Variants in HMCN2 observed in about 807,000 individuals in gnomAD.
The protein encoded by HMCN2 is hemicentin 2, also known as hemicentin-2.
Under a neutral mutation model 377.5 loss-of-function variants are expected in HMCN2, and 325 were observed. The observed-to-expected ratio is 0.86, with a 90% confidence interval of 0.79 to 0.94. The LOEUF (loss-of-function observed/expected upper bound fraction) is 0.94. Among genes scored for constraint, HMCN2 ranks in the 40% least tolerant of loss-of-function variants. The probability of loss-of-function intolerance (pLI) is 0.00; values close to 1 mark genes in which losing one functional copy is unlikely to be tolerated. For missense variants in HMCN2, 4,543 were observed against 4,725.3 expected, an observed-to-expected ratio of 0.96 and a Z score of 1.13; for synonymous variants, 2,007 against 2,046.8, an observed-to-expected ratio of 0.98 and a Z score of 0.53.
At chr9:130,324,978 A>G (rs1838048950) in intron 19 of HMCN2, among the ~76,000 whole-genome samples, 1 of 122,646 alleles carries the variant, frequency 8.2e-6, no homozygotes, top group Admixed American at 8.4e-5. Context: ...TCACTGCAAT[A>G]TCACCTGGAG....
rs936978001 is a variant in HMCN2, at chr9:130,368,447, C to G, written c.6787+10C>G. 2.0e-6 allele frequency: 2 copies of G among 985,924 alleles called. No homozygotes were observed. The highest frequency in any genetic ancestry group is 2.4e-6 in the Non-Finnish European group (2 of 830,168). The allele number at this position is 985,924 out of a possible 1,614,324, so 61.1% of individuals were successfully genotyped here. On this transcript the variant is annotated intron_variant, in intron 44 of 97. Coordinates refer to ENST00000683500, the MANE Select transcript of HMCN2 (RefSeq NM_001291815.2). ...CAGCTGGAGGTGCACGGTGGGTGAG[C>G]TGGGCGGGGGCTGGAAGGGTCTGGG... is the stretch of plus-strand genomic sequence containing the variant.
chr9:130,425,655 CT>C (rs1564883944), intron 89 of HMCN2, 31 bp from the exon 90 acceptor site: 14 of 1,341,618 alleles, frequency 1.0e-5, no homozygotes, highest in Admixed American at 2.0e-5. Flanking sequence ...TCCCCCACCC[CT>C]CCTCCTCCTC....
chr9:130,426,886 A>G (rs1844408548), intron 90 of HMCN2, among the ~76,000 whole-genome samples: 1 of 151,546 alleles, frequency 6.6e-6, no homozygotes. Context: ...CCTGATTTAG[A>G]CTGCCTTGTG....
chr9:130,375,726 G>A lies in HMCN2; in HGVS notation c.7794G>A (p.Gln2598=), dbSNP rs1841340920. The A allele has an allele frequency of 3.0e-6, 3 of 985,776 alleles. No individual in the cohort carries two copies. Among genetic ancestry groups the A allele is most frequent in the Admixed American group, 1.2e-4 (2 of 16,262 alleles). 61.1% of individuals were successfully genotyped at this position (985,776 alleles called of 1,614,324 possible). A position where few individuals can be genotyped will look rare whatever the true frequency, so the allele number is the denominator to read the frequency against. Residue 2598 remains glutamine (Q), a synonymous_variant, in exon 50 of 98, where the codon CAG becomes CAA. Transcript: ENST00000683500. ...CGTTTGAGGCCTCCAGGAACATCCA[G>A]CTGCTCCCAGGTGACGCCCTCTGGG... ...GAPFEASRNI[Q]LLPGTHGLQI...
Position 130,392,052 on chromosome 9 carries a change from T to C in HMCN2, c.10070T>C (p.Leu3357Pro). 2.0e-6 allele frequency: 2 copies of C among 988,506 alleles called. No individual in the cohort carries two copies. The highest frequency in any genetic ancestry group is 4.7e-5 in the South Asian group (1 of 21,386). The allele number at this position is 988,506 out of a possible 1,614,324, so 61.2% of individuals were successfully genotyped here. ...TCCCCGCCCATCCACGTGAGCTGGC[T>C]CAAGGACGGCCTGCCCCTCCCGCTC... is the stretch of plus-strand genomic sequence containing the variant. ...RGSPPIHVSW[L>P]KDGLPLPLSQ... Residue 3357 changes from leucine to proline, a missense_variant, in exon 66 of 98, where the codon CTC becomes CCC. Leu to Pro is a moderately conservative substitution (Grantham distance 98). Transcript: ENST00000683500.
intron 87 of HMCN2, among the ~76,000 whole-genome samples, chr9:130,424,170 T>TATA (rs904483752): frequency 4.6e-5 from 4 of 86,562 alleles, no homozygotes; most frequent in African/African-American, 2.9e-4. Flanking sequence ...TATATATATA[T>TATA]TTTTTTTTTT....
rs12336285 is a variant in HMCN2, at chr9:130,265,917, G to A, written c.39G>A (p.Ala13=). 0.42 allele frequency: 166,033 copies of A among 396,794 alleles called. 37,434 individuals carry two copies. Among genetic ancestry groups the A allele is most frequent in the East Asian group, 0.9 (10,630 of 11,828 alleles). The allele number at this position is 396,794 out of a possible 1,614,324, so 24.6% of individuals were successfully genotyped here. Residue 13 remains alanine, a synonymous_variant, in exon 1 of 98, where the codon GCG becomes GCA. Transcript: ENST00000683500. ...PGAPLLRLLT[A]VSAAVAVAVA... is the part of the protein sequence containing the mutation. ...CGCCGCTCCTGCGGCTGCTGACCGC[G>A]GTCTCTGCGGCAGTGGCAGTGGCAG... is the stretch of plus-strand genomic sequence containing the variant.
At chr9:130,409,267 T>G (rs1427517223) in intron 84 of HMCN2, among the ~76,000 whole-genome samples, 5 of 152,182 alleles carry the variant, frequency 3.3e-5, no homozygotes, top group Admixed American at 6.5e-5. Context: ...CCTCAGGGGG[T>G]AGGGTAGGCA....
chr9:130,344,877 T>C lies in HMCN2; in HGVS notation c.3830-2289T>C, dbSNP rs997294687. ...GTATATATGTTGTGTGTGTGGTGTG[T>C]GTATGGTGTTTGGTGTATGTGGTGT... On this transcript the variant is annotated intron_variant, in intron 25 of 97. Transcript: ENST00000683500. Among the ~76,000 whole-genome samples, 59 of 148,948 alleles carry C rather than the reference T, an allele frequency of 4.0e-4. 2 individuals carry two copies. The highest frequency in any genetic ancestry group is 2.9e-3 in the Admixed American group (43 of 14,820).
chr9:130,362,062 C>A lies in HMCN2; in HGVS notation c.6005C>A (p.Thr2002Asn), dbSNP rs1315525155. The change falls in exon 39 of 98, where the codon ACC becomes AAC. Residue 2002 changes from threonine (T) to asparagine (N), a missense_variant. This residue lies in a region of HMCN2 where 1,032 missense variants were observed against 1,285.1 expected (regional missense o/e 0.80). Transcript: ENST00000683500. Reference protein sequence around the residue: ...PSLPGPVLVNTPVRLTCNATG... With the variant: ...PSLPGPVLVNNPVRLTCNATG... Reference sequence around the variant, plus strand: ...CTGCCAGGCCCTGTGTTGGTCAACACCCCTGTCCGGCTGACCTGCAATGCC... The same window carrying A: ...CTGCCAGGCCCTGTGTTGGTCAACAACCCTGTCCGGCTGACCTGCAATGCC... The A allele has an allele frequency of 1.7e-5, 17 of 986,062 alleles. No homozygotes were observed. Among genetic ancestry groups the A allele is most frequent in the African/African-American group, 3.5e-5 (2 of 57,266 alleles). 61.1% of individuals were successfully genotyped at this position (986,062 alleles called of 1,614,324 possible).
rs1554931441 is a variant in HMCN2, at chr9:130,294,939, T to G, written c.697T>G (p.Trp233Gly). Residue 233 changes from tryptophan (W) to glycine (G), a missense_variant, in exon 5 of 98, where the codon TGG becomes GGG. By Grantham distance (184) the Trp-to-Gly change is radical. This residue lies in a region of HMCN2 where 547 missense variants were observed against 189.9 expected (regional missense o/e 2.88). Transcript: ENST00000683500. Reference protein sequence around the residue: ...TDHEEEGEHTWRLPFDPSLKE... With the variant: ...TDHEEEGEHTGRLPFDPSLKE... ...CCACGAGGAGGAGGGGGAGCACACATGGAGACTCCCCTTTGACCCCAGCCT... is the reference window on the plus strand; with the variant it reads ...CCACGAGGAGGAGGGGGAGCACACAGGGAGACTCCCCTTTGACCCCAGCCT... 4.2e-6 allele frequency: 2 copies of G among 470,722 alleles called. No homozygotes were observed. The highest frequency in any genetic ancestry group is 2.0e-5 in the African/African-American group (1 of 50,008). 29.2% of individuals were successfully genotyped at this position (470,722 alleles called of 1,614,324 possible). A position where few individuals can be genotyped will look rare whatever the true frequency, so the allele number is the denominator to read the frequency against.
chr9:130,371,919 T>C (rs1841043529), intron 46 of HMCN2, among the ~76,000 whole-genome samples: 1 of 152,166 alleles, frequency 6.6e-6, no homozygotes, highest in African/African-American at 2.4e-5. Context: ...CCCTGAGAGA[T>C]CCTTGGGAGG....
At chr9:130,348,268 A>G (rs981217501) in intron 26 of HMCN2, among the ~76,000 whole-genome samples, 16 of 152,242 alleles carry the variant, frequency 1.1e-4, no homozygotes. Flanking sequence ...TTGGGTGTAG[A>G]ACCAGATGGA....
At position 130,365,778 on chromosome 9, in the gene HMCN2, G is replaced by A. The variant is rs776967755; in HGVS notation, c.6505+51G>A. 69 of 978,288 alleles carry A rather than the reference G, an allele frequency of 7.1e-5. No homozygotes were observed. In the South Asian group the frequency reaches 1.0e-3, roughly 15 times the overall value. 60.6% of individuals were successfully genotyped at this position (978,288 alleles called of 1,614,324 possible). A position where few individuals can be genotyped will look rare whatever the true frequency, so the allele number is the denominator to read the frequency against. Reference sequence around the variant, plus strand: ...GGGAGGGGGCTGCTGCCTTGATTGCGTCCCAGGACACAGCCCTCCTCCAGC... The same window carrying A: ...GGGAGGGGGCTGCTGCCTTGATTGCATCCCAGGACACAGCCCTCCTCCAGC... On this transcript the variant is annotated intron_variant, in intron 42 of 97. Coordinates refer to ENST00000683500, the MANE Select transcript of HMCN2 (RefSeq NM_001291815.2).
chr9:130,418,252 T>C (rs1843799455), intron 85 of HMCN2, among the ~76,000 whole-genome samples: 1 of 152,150 alleles, frequency 6.6e-6, no homozygotes, highest in African/African-American at 2.4e-5. Flanking sequence ...AGTTACGATC[T>C]ATTGCAGAGG....
At chr9:130,368,787 G>A (rs1249628322) in intron 44 of HMCN2, among the ~76,000 whole-genome samples, 1 of 152,050 alleles carries the variant, frequency 6.6e-6, no homozygotes. Context: ...CAAACAACCA[G>A]ATCTCCTGAG....
intron 85 of HMCN2, among the ~76,000 whole-genome samples, chr9:130,417,455 G>C (rs1222872519): frequency 6.9e-6 from 1 of 145,584 alleles, no homozygotes; most frequent in Non-Finnish European, 1.5e-5. Context: ...CCGGGAGGCA[G>C]AGGTTGCAGT....
intron 25 of HMCN2, among the ~76,000 whole-genome samples, chr9:130,346,668 G>A (rs1839408857): frequency 1.3e-5 from 2 of 152,122 alleles, no homozygotes; most frequent in South Asian, 4.1e-4. Context: ...TGCCTACTGT[G>A]TGCCGGGCAC....
At position 130,390,990 on chromosome 9, in the gene HMCN2, G is replaced by C; in HGVS notation, c.9537G>C (p.Val3179=). Residue 3179 remains valine (V), a synonymous_variant, in exon 63 of 98, where the codon GTG becomes GTC. Transcript: ENST00000683500. ...KDRMPVESSA[V]HGVVSRGGRL... ...TCTGTCCCACAGAGAGCAGCGCGGT[G>C]CACGGTGTGGTCTCCCGGGGGGGCC... The C allele has an allele frequency of 4.1e-6, 4 of 987,224 alleles. No homozygotes were observed. The highest frequency in any genetic ancestry group is 3.2e-4 in the Middle Eastern group (1 of 3,128). 61.2% of individuals were successfully genotyped at this position (987,224 alleles called of 1,614,324 possible).
Sources: allele counts gnomAD v4.1 joint callset (sites outside exome capture counted in the v4.1 genomes callset), GRCh38; gene constraint gnomAD v4.1.1; regional missense constraint gnomAD v4.1.1; transcripts MANE v1.5; gene names NCBI Gene and HGNC (gene_info 2026-07-23, HGNC 2026-07-21).